The following RNF38 variants were observed in gnomAD, a reference collection of about 807,000 sequenced individuals.
RNF38 encodes ring finger protein 38, also known as E3 ubiquitin-protein ligase RNF38.
In RNF38, 15 loss-of-function variants were observed where a neutral mutation model predicts 67.2. That is an observed-to-expected ratio of 0.22 (90% CI 0.15 to 0.34). The LOEUF (loss-of-function observed/expected upper bound fraction) is 0.34. Among genes scored for constraint, RNF38 ranks in the 10% least tolerant of loss-of-function variants. RNF38 has a pLI of 1.00. For synonymous variants in RNF38, 220 were observed against 218.8 expected (o/e 1.01, Z -0.05); for missense variants, 524 against 639.9 (o/e 0.82, Z 1.95).
At chr9:36,341,624 C>T (rs954975927) in intron 11 of RNF38, among the ~76,000 whole-genome samples, 1 of 151,426 alleles carries the variant, frequency 6.6e-6, no homozygotes, top group African/African-American at 2.4e-5. Context: ...ATAATCCCAA[C>T]ACTTTGGGAG....
At chr9:36,365,872 G>T (rs1834914077) in intron 4 of RNF38, among the ~76,000 whole-genome samples, 1 of 151,696 alleles carries the variant, frequency 6.6e-6, no homozygotes, top group Admixed American at 6.6e-5. Flanking sequence ...CACCATATTG[G>T]CCAGGCTGGT....
chr9:36,456,765 T>C (rs888440546), intron 1 of RNF38, among the ~76,000 whole-genome samples: 1 of 152,152 alleles, frequency 6.6e-6, no homozygotes, highest in Admixed American at 6.6e-5. Flanking sequence ...ACTGTTATAT[T>C]CTGCATTGTG....
Position 36,395,663 on chromosome 9 carries a change from T to TA in RNF38, c.12+4433dup, listed in dbSNP as rs1292425187. ...GAAGTAATTAGGTAGATTAATAATT[T>TA]AAAAAACATGTTTGAATCTCTAATA... On this transcript the variant is annotated intron_variant, in intron 1 of 11. Coordinates refer to ENST00000259605, the MANE Select transcript of RNF38 (RefSeq NM_022781.5). Among the ~76,000 whole-genome samples, 9 of 152,274 alleles carry TA rather than the reference T, an allele frequency of 5.9e-5. No individual in the cohort carries two copies. In the East Asian group the frequency reaches 1.5e-3, roughly 26 times the overall value.
At chr9:36,394,715 C>T (rs971203282) in intron 1 of RNF38, among the ~76,000 whole-genome samples, 3 of 152,156 alleles carry the variant, frequency 2.0e-5, no homozygotes, top group Non-Finnish European at 4.4e-5. Context: ...TCAAGTCTAT[C>T]GAATTCTAAG....
In RNF38 at chr9:36,351,202, G is replaced by T. The variant is rs774402292; in HGVS notation, c.1179-3C>A. 6.2e-7 allele frequency: 1 copy of T among 1,605,846 alleles called. No homozygotes were observed. Among genetic ancestry groups the T allele is most frequent in the East Asian group, 2.2e-5 (1 of 44,770 alleles). ...CAGGTGGCACTGGAAGCATTGATCT[G>T]CAGTGAAAACAATCACACTAGCATT... On this transcript the variant is annotated splice_region_variant and splice_polypyrimidine_tract_variant and intron_variant, in intron 8 of 11. Coordinates refer to ENST00000259605, the MANE Select transcript of RNF38 (RefSeq NM_022781.5).
At chr9:36,395,835 T>A (rs973061477) in intron 1 of RNF38, among the ~76,000 whole-genome samples, 1 of 152,258 alleles carries the variant, frequency 6.6e-6, no homozygotes, top group East Asian at 1.9e-4. Context: ...TAAGTAAAAT[T>A]ACGGTACACT....
chr9:36,339,523 TAAAGAA>T lies in RNF38; in HGVS notation c.*223_*228del, dbSNP rs1488357194. The T allele has an allele frequency of 2.1e-6, 1 of 484,196 alleles. No homozygotes were observed. The highest frequency in any genetic ancestry group is 1.9e-5 in the African/African-American group (1 of 52,380). 30.0% of individuals were successfully genotyped at this position (484,196 alleles called of 1,614,324 possible). A position where few individuals can be genotyped will look rare whatever the true frequency, so the allele number is the denominator to read the frequency against. On this transcript the variant is annotated 3_prime_UTR_variant, in exon 12 of 12. Transcript: ENST00000259605. ...TGTTAGTGCACACACAAAATTAAGC[TAAAGAA>T]AAAGTCTTTGGAGTTCCAATCACAC... is the stretch of plus-strand genomic sequence containing the variant.
At chr9:36,435,497 T>G (rs1181136089) in intron 1 of RNF38, among the ~76,000 whole-genome samples, 1 of 152,176 alleles carries the variant, frequency 6.6e-6, no homozygotes, top group Admixed American at 6.5e-5. Context: ...GAAGTCAATA[T>G]AGTTGTTTGA....
intron 2 of RNF38, among the ~76,000 whole-genome samples, chr9:36,377,079 C>T (rs1835845764): frequency 6.6e-6 from 1 of 152,184 alleles, no homozygotes. Context: ...CATGGACTTA[C>T]TAGCTACAAA....
intron 1 of RNF38, among the ~76,000 whole-genome samples, chr9:36,455,672 G>T (rs990354442): frequency 1.8e-4 from 28 of 151,682 alleles, no homozygotes; most frequent in African/African-American, 5.8e-4. Context: ...GGAGGCTGAG[G>T]CAGGAGAATC....
chr9:36,347,547 A>T (rs1056363693), intron 9 of RNF38, among the ~76,000 whole-genome samples: 1 of 152,214 alleles, frequency 6.6e-6, no homozygotes, highest in Non-Finnish European at 1.5e-5. Context: ...TTACTATTGC[A>T]CTTGTTTTGT....
At chr9:36,356,637 A>AC (rs1834123959) in intron 5 of RNF38, among the ~76,000 whole-genome samples, 164 bp from the exon 6 acceptor site, 1 of 151,892 alleles carries the variant, frequency 6.6e-6, no homozygotes, top group Non-Finnish European at 1.5e-5. Flanking sequence ...TTTTTAATCT[A>AC]CTAGTAAAGT....
chr9:36,414,781 G>A (rs1564053603), intron 2 of RNF38, among the ~76,000 whole-genome samples: 1 of 151,354 alleles, frequency 6.6e-6, no homozygotes, highest in Non-Finnish European at 1.5e-5. Context: ...TTGTTTGTCT[G>A]AATAAGACTT....
intron 2 of RNF38, among the ~76,000 whole-genome samples, chr9:36,380,146 T>C (rs1490029245): frequency 6.6e-6 from 1 of 152,202 alleles, no homozygotes; most frequent in African/African-American, 2.4e-5. Context: ...ATCACGGACA[T>C]TTAGTGAAAA....
intron 1 of RNF38, among the ~76,000 whole-genome samples, chr9:36,440,246 A>C (rs947288620): frequency 6.6e-6 from 1 of 151,634 alleles, no homozygotes; most frequent in Non-Finnish European, 1.5e-5. Context: ...ACTCTGCCTC[A>C]AAAAAAGAAA....
intron 6 of RNF38, among the ~76,000 whole-genome samples, chr9:36,354,271 C>T (rs1181273313): frequency 6.6e-6 from 1 of 152,174 alleles, no homozygotes; most frequent in Non-Finnish European, 1.5e-5. Flanking sequence ...TGGCTCACTG[C>T]AACCTCTGCC....
intron 1 of RNF38, among the ~76,000 whole-genome samples, chr9:36,447,780 G>C (rs1010065474): frequency 6.6e-6 from 1 of 152,184 alleles, no homozygotes; most frequent in Non-Finnish European, 1.5e-5. Context: ...AATGACCTTA[G>C]GGTCCAGACC....
At chr9:36,359,969 T>C (rs1167793149) in intron 4 of RNF38, among the ~76,000 whole-genome samples, 2 of 152,006 alleles carry the variant, frequency 1.3e-5, no homozygotes, top group Non-Finnish European at 2.9e-5. Flanking sequence ...GGTCTTGAAC[T>C]CCTGAACTCA....
chr9:36,430,611 A>G (rs1838907933), intron 1 of RNF38, among the ~76,000 whole-genome samples: 1 of 152,174 alleles, frequency 6.6e-6, no homozygotes. Flanking sequence ...GTGGAGATAT[A>G]AGAGGACCAA....
Sources: gnomAD v4.1 joint callset for allele counts (sites outside exome capture counted in the v4.1 genomes callset) on GRCh38, gnomAD v4.1.1 for gene constraint, MANE v1.5 for transcripts, NCBI Gene and HGNC (gene_info 2026-07-23, HGNC 2026-07-21) for gene names.